Variants in ERN2 observed in about 807,000 individuals in gnomAD.
The protein encoded by ERN2 is endoplasmic reticulum to nucleus signaling 2.
In ERN2, 111 loss-of-function variants were observed where a neutral mutation model predicts 107.9. The observed-to-expected ratio is 1.03, with a 90% CI of 0.88 to 1.20. ERN2 has a LOEUF of 1.20. Among genes scored for constraint, ERN2 ranks in the 50% most tolerant of loss-of-function variants. The pLI, the probability that ERN2 is intolerant of heterozygous loss-of-function variation, is 0.00. For missense variants in ERN2, 1,225 were observed against 1,197.9 expected (o/e 1.02, Z -0.33); for synonymous variants, 524 against 501.7 (o/e 1.04, Z -0.59).
intron 4 of ERN2, chr16:23,709,415 A>ATGTCTG (rs1480970221): frequency 6.8e-6 from 2 of 294,096 alleles, no homozygotes; most frequent in East Asian, 2.2e-4. Flanking sequence ...TCTTGTATTC[A>ATGTCTG]TGTCTGTGTC....
At chr16:23,692,375 A>C in intron 17 of ERN2, 44 bp from the exon 18 acceptor site, 1 of 1,600,804 alleles carries the variant, frequency 6.2e-7, no homozygotes, top group Non-Finnish European at 8.5e-7. Context: ...CTCTGCTTCC[A>C]GGAAGTCAGC....
At chr16:23,704,340 G>A (rs1182454026) in intron 8 of ERN2, among the ~76,000 whole-genome samples, 1 of 152,154 alleles carries the variant, frequency 6.6e-6, no homozygotes, top group Non-Finnish European at 1.5e-5. Context: ...GTTGTGGTAG[G>A]GACCCGGTGG....
rs1336948419 is a variant in ERN2 at position 23,694,804 on chromosome 16, C to G, written c.2024G>C (p.Ser675Thr). ...KKLPAGRCSF[S>T]LHSGIPGTEG... ...CGTGCCGGGGATGCCGGAGTGGAGG[C>G]TGAAGCTACAGCGGCCAGCAGGCAG... is the stretch of plus-strand genomic sequence containing the variant. The change falls in exon 17 of 22, where the codon AGC (serine) becomes ACC (threonine). Residue 675 changes from serine (S) to threonine (T), a missense_variant. By Grantham distance (58) the Ser-to-Thr change is moderately conservative. Transcript: ENST00000256797. 1 of 1,613,754 alleles carries G rather than the reference C, an allele frequency of 6.2e-7. No individual in the cohort carries two copies. Among genetic ancestry groups the G allele is most frequent in the East Asian group, 2.2e-5 (1 of 44,880 alleles).
chr16:23,697,680 C>A (rs943531535), intron 13 of ERN2, among the ~76,000 whole-genome samples: 1 of 152,194 alleles, frequency 6.6e-6, no homozygotes, highest in African/African-American at 2.4e-5. Flanking sequence ...AGTCTGCACA[C>A]ACAGATATTT....
At chr16:23,712,057 T>G (rs530241878) in intron 1 of ERN2, 1 of 453,744 alleles carries the variant, frequency 2.2e-6, no homozygotes, top group East Asian at 7.0e-5. Flanking sequence ...AGGCCTAACA[T>G]CCGGGTGGCC....
Position 23,691,436 on chromosome 16 carries a change from G to C in ERN2, c.2377-11C>G. 1.3e-6 allele frequency: 2 copies of C among 1,597,420 alleles called. No individual in the cohort carries two copies. Among genetic ancestry groups the C allele is most frequent in the Non-Finnish European group, 1.7e-6 (2 of 1,179,068 alleles). The stretch of plus-strand genomic sequence containing the variant: ...CCAGTCACTGACGTCCTGGGGCCCA[G>C]AGAGCTCCTGAGCCTTGTGACCGGG... On this transcript the variant is annotated splice_polypyrimidine_tract_variant and intron_variant, in intron 19 of 21. Coordinates refer to ENST00000256797, the MANE Select transcript of ERN2 (RefSeq NM_033266.4).
chr16:23,690,857 G>C lies in ERN2; in HGVS notation c.2755C>G (p.Pro919Ala). 6.2e-7 allele frequency: 1 copy of C among 1,612,910 alleles called. No individual in the cohort carries two copies. Among genetic ancestry groups the C allele is most frequent in the Non-Finnish European group, 8.5e-7 (1 of 1,180,010 alleles). Residue 919 changes from proline (P) to alanine (A), a missense_variant, in exon 22 of 22, where the codon CCA becomes GCA. Pro to Ala is a conservative substitution (Grantham distance 27). Coordinates refer to ENST00000256797, the MANE Select transcript of ERN2 (RefSeq NM_033266.4). ...YYPPDSEARRPCPGATGR is the reference protein window; with the variant it reads ...YYPPDSEARRACPGATGR The stretch of plus-strand genomic sequence containing the variant: ...CACCTCCCTGTGGCCCCAGGGCATG[G>C]CCTCCTGGCCTCTGAGTCTGGCGGG...
rs750604613 is a variant in ERN2 at position 23,695,844 on chromosome 16, C to T, written c.1610+50G>A. The T allele has an allele frequency of 4.6e-5, 67 of 1,451,918 alleles. No homozygotes were observed. The East Asian group carries it at 1.1e-3, about 24-fold the overall frequency. The allele number at this position is 1,451,918 out of a possible 1,614,324, so 89.9% of individuals were successfully genotyped here. Reference sequence around the variant, plus strand: ...ATGTCTCTCCAGGGGACAGTGCCCACGAGGGCTGTGAGTGCCATGTCCCCA... The same window carrying T: ...ATGTCTCTCCAGGGGACAGTGCCCATGAGGGCTGTGAGTGCCATGTCCCCA... On this transcript the variant is annotated intron_variant, in intron 14 of 21. Coordinates refer to ENST00000256797, the MANE Select transcript of ERN2 (RefSeq NM_033266.4).
Position 23,690,726 on chromosome 16 carries a change from A to C in ERN2, c.*105T>G. ...TCACTCAGCCTCCCAAAATGCTGGG[A>C]TTACAGGTGTGAGCCACTGCACCCA... On this transcript the variant is annotated 3_prime_UTR_variant, in exon 22 of 22. Coordinates refer to ENST00000256797, the MANE Select transcript of ERN2 (RefSeq NM_033266.4). 1 of 882,166 alleles carries C rather than the reference A, an allele frequency of 1.1e-6. No homozygotes were observed. The highest frequency in any genetic ancestry group is 1.8e-6 in the Non-Finnish European group (1 of 565,826). The allele number at this position is 882,166 out of a possible 1,614,324, so 54.6% of individuals were successfully genotyped here.
At chr16:23,691,482 G>T in intron 19 of ERN2, 57 bp from the exon 20 acceptor site, 1 of 1,573,452 alleles carries the variant, frequency 6.4e-7, no homozygotes, top group Non-Finnish European at 8.6e-7. Flanking sequence ...ACATAGCCAG[G>T]AGTGTGTTGT....
At chr16:23,707,911 C>T (rs1960388239) in intron 4 of ERN2, among the ~76,000 whole-genome samples, 1 of 152,208 alleles carries the variant, frequency 6.6e-6, no homozygotes. Flanking sequence ...GAGCTCCATC[C>T]TCCACCCTTC....
In ERN2 at chr16:23,710,544, C is replaced by A; in HGVS notation, c.205G>T (p.Val69Phe). The change falls in exon 3 of 22, where the codon GTC (valine) becomes TTC (phenylalanine). Residue 69 changes from valine to phenylalanine, a missense_variant. Physicochemically the swap from Val to Phe is conservative, Grantham distance 50 (BLOSUM62 -1). Transcript: ENST00000256797. ...DLKWTLRDDP[V>F]IEGPMYVTEM... Reference sequence around the variant, plus strand: ...GTGACGTACATTGGTCCTTCGATGACGGGATCTGCAGGGACAGGGACACAG... The same window carrying A: ...GTGACGTACATTGGTCCTTCGATGAAGGGATCTGCAGGGACAGGGACACAG... The A allele has an allele frequency of 6.2e-7, 1 of 1,614,176 alleles. No individual in the cohort carries two copies. Among genetic ancestry groups the A allele is most frequent in the Non-Finnish European group, 8.5e-7 (1 of 1,180,030 alleles).
chr16:23,706,900 T>A (rs948951767), intron 5 of ERN2, 39 bp from the exon 6 acceptor site: 1 of 1,575,286 alleles, frequency 6.3e-7, no homozygotes. Flanking sequence ...CAAGTTGGCA[T>A]GGGAAGAGGT....
chr16:23,695,745 A>C (rs1332724061), intron 14 of ERN2, 149 bp downstream of exon 14: 3 of 593,466 alleles, frequency 5.1e-6, no homozygotes, highest in East Asian at 5.7e-5. Flanking sequence ...AAAAAAAAAA[A>C]AACAGATAAA....
intron 17 of ERN2, among the ~76,000 whole-genome samples, chr16:23,693,327 C>G (rs1171945038): frequency 6.6e-6 from 1 of 151,548 alleles, no homozygotes; most frequent in East Asian, 1.9e-4. Context: ...TGGCTCATGC[C>G]TATAATCTCA....
In ERN2 at chr16:23,713,123, G is replaced by A. The variant is rs764789207; in HGVS notation, c.65C>T (p.Ala22Val). ...TGGACTCAGCGTCCCGAGCAGCAGC[G>A]CCGCGAACTGGAGCTGGAGCCCCAG... ...PRLGLQLQFAALLLGTLSPQV... is the reference protein window; with the variant it reads ...PRLGLQLQFAVLLLGTLSPQV... The change falls in exon 1 of 22, where the codon GCG becomes GTG. Residue 22 changes from alanine to valine, a missense_variant. Physicochemically the swap from Ala to Val is moderately conservative, Grantham distance 64 (BLOSUM62 0). Coordinates refer to ENST00000256797, the MANE Select transcript of ERN2 (RefSeq NM_033266.4). The A allele has an allele frequency of 1.3e-6, 2 of 1,575,406 alleles. No homozygotes were observed. The highest frequency in any genetic ancestry group is 3.6e-5 in the Admixed American group (2 of 56,262).
intron 1 of ERN2, 144 bp from the exon 2 acceptor site, chr16:23,711,162 T>C (rs922030145): frequency 1.6e-6 from 1 of 609,364 alleles, no homozygotes; most frequent in Non-Finnish European, 3.0e-6. Context: ...AACGTGCTGG[T>C]GTCACTCATC....
At chr16:23,692,919 A>C (rs1254122250) in intron 17 of ERN2, among the ~76,000 whole-genome samples, 1 of 151,058 alleles carries the variant, frequency 6.6e-6, no homozygotes, top group East Asian at 1.9e-4. Flanking sequence ...GGGTCTTCTT[A>C]TGTTACCCAG....
chr16:23,712,836 G>A (rs1960596801), intron 1 of ERN2: 2 of 469,542 alleles, frequency 4.3e-6, no homozygotes, highest in South Asian at 3.9e-5. Context: ...ACCTCTCCCT[G>A]CTGAAGAGGC....
Sources: allele counts gnomAD v4.1 joint callset (sites outside exome capture counted in the v4.1 genomes callset), GRCh38; gene constraint gnomAD v4.1.1; transcripts MANE v1.5; gene names NCBI Gene and HGNC (gene_info 2026-07-23, HGNC 2026-07-21).